CCDC60: variants seen among roughly 807,000 people sequenced by gnomAD.
CCDC60 encodes coiled-coil domain containing 60, also known as coiled-coil domain-containing protein 60.
CCDC60 carries 54 observed loss-of-function variants against 63.5 expected under a neutral mutation model. The ratio of observed to expected loss-of-function variants is 0.85; its 90% confidence interval spans 0.68 to 1.07. CCDC60 has a LOEUF of 1.07. Ranked by LOEUF, CCDC60 falls within the 50% of genes least tolerant of loss-of-function variation. The probability of loss-of-function intolerance (pLI) is 0.00; values close to 1 mark genes in which losing one functional copy is unlikely to be tolerated. For missense variants in CCDC60, 651 were observed against 684.3 expected (o/e 0.95, Z 0.54); for synonymous variants, 206 against 238.8 (o/e 0.86, Z 1.27).
chr12:119,466,241 A>G (rs1352348428), intron 2 of CCDC60, among the ~76,000 whole-genome samples: 3 of 152,134 alleles, frequency 2.0e-5, no homozygotes, highest in Non-Finnish European at 4.4e-5. Flanking sequence ...CCTCCATAGC[A>G]GTTGGCACTT....
At chr12:119,348,428 A>G (rs1349859372) in intron 1 of CCDC60, among the ~76,000 whole-genome samples, 1 of 152,192 alleles carries the variant, frequency 6.6e-6, no homozygotes, top group Non-Finnish European at 1.5e-5. Flanking sequence ...TTGCCTCAGT[A>G]AAAGCACATT....
At chr12:119,467,726 T>C (rs1038269970) in intron 2 of CCDC60, among the ~76,000 whole-genome samples, 3 of 152,256 alleles carry the variant, frequency 2.0e-5, no homozygotes, top group African/African-American at 7.2e-5. Flanking sequence ...GGCATGACAA[T>C]GAAAAGCAGT....
intron 9 of CCDC60, among the ~76,000 whole-genome samples, chr12:119,520,920 C>G (rs1012541503): frequency 1.3e-5 from 2 of 152,168 alleles, no homozygotes; most frequent in African/African-American, 4.8e-5. Flanking sequence ...CAAACACAAA[C>G]AAACACAGCC....
chr12:119,485,436 G>A (rs1343427452), intron 4 of CCDC60, among the ~76,000 whole-genome samples: 1 of 152,224 alleles, frequency 6.6e-6, no homozygotes, highest in Non-Finnish European at 1.5e-5. Flanking sequence ...TAAACTACTA[G>A]ACTGGGTGGC....
intron 7 of CCDC60, among the ~76,000 whole-genome samples, chr12:119,513,543 T>G (rs1160902931): frequency 6.6e-6 from 1 of 152,194 alleles, no homozygotes; most frequent in Non-Finnish European, 1.5e-5. Flanking sequence ...ATATCTCTCT[T>G]TCCTACTTAT....
intron 2 of CCDC60, among the ~76,000 whole-genome samples, chr12:119,450,396 C>T (rs561466781): frequency 6.6e-6 from 1 of 152,094 alleles, no homozygotes; most frequent in African/African-American, 2.4e-5. Context: ...ATACTTCTAC[C>T]CCCTAAATCC....
intron 9 of CCDC60, among the ~76,000 whole-genome samples, chr12:119,520,790 C>G (rs1200549228): frequency 6.6e-6 from 1 of 152,126 alleles, no homozygotes; most frequent in Non-Finnish European, 1.5e-5. Context: ...GATCCACCTC[C>G]CTTGGCCTTC....
intron 1 of CCDC60, among the ~76,000 whole-genome samples, chr12:119,401,172 T>A (rs1956385576): frequency 6.6e-6 from 1 of 152,206 alleles, no homozygotes; most frequent in Non-Finnish European, 1.5e-5. Flanking sequence ...GTCACAGAGC[T>A]GGTTACCCAG....
chr12:119,348,060 C>A (rs1955615957), intron 1 of CCDC60, among the ~76,000 whole-genome samples: 1 of 152,164 alleles, frequency 6.6e-6, no homozygotes. Context: ...AGAAAATGCC[C>A]AAAAGGCAAT....
intron 1 of CCDC60, among the ~76,000 whole-genome samples, chr12:119,387,050 A>T (rs952723736): frequency 9.5e-5 from 14 of 147,522 alleles, no homozygotes; most frequent in African/African-American, 3.0e-4. Flanking sequence ...ACACACACAC[A>T]CACACACACA....
At chr12:119,385,372 A>G (rs371567245) in intron 1 of CCDC60, among the ~76,000 whole-genome samples, 2 of 152,148 alleles carry the variant, frequency 1.3e-5, no homozygotes, top group South Asian at 2.1e-4. Context: ...TAATTCCCGT[A>G]TGTGGTGGGA....
At chr12:119,452,614 G>T (rs1950654655) in intron 2 of CCDC60, among the ~76,000 whole-genome samples, 1 of 152,202 alleles carries the variant, frequency 6.6e-6, no homozygotes, top group Non-Finnish European at 1.5e-5. Context: ...AGCTGCAAAA[G>T]CTTTCTCACA....
At chr12:119,391,160 G>A (rs935166345) in intron 1 of CCDC60, among the ~76,000 whole-genome samples, 3 of 152,314 alleles carry the variant, frequency 2.0e-5, no homozygotes, top group East Asian at 1.9e-4. Flanking sequence ...TTACCCACAC[G>A]TCTCTGTGGC....
intron 1 of CCDC60, among the ~76,000 whole-genome samples, chr12:119,368,082 A>G (rs1955860164): frequency 7.1e-6 from 1 of 140,684 alleles, no homozygotes; most frequent in Admixed American, 7.2e-5. Context: ...AAGAAGAAGG[A>G]GGAGGGGGAG....
At chr12:119,360,169 C>G (rs1195612239) in intron 1 of CCDC60, among the ~76,000 whole-genome samples, 12 of 147,720 alleles carry the variant, frequency 8.1e-5, no homozygotes, top group African/African-American at 2.3e-4. Flanking sequence ...GGGGCTGACC[C>G]CCCCCCACCT....
intron 13 of CCDC60, among the ~76,000 whole-genome samples, chr12:119,539,915 A>G (rs480130): frequency 0.66 from 100,430 of 152,092 alleles, 34,965 homozygotes; most frequent in East Asian, 0.92. Flanking sequence ...AGTCCCTCAC[A>G]GCTTCCCTTG....
At chr12:119,513,058 A>C (rs2136461182) in intron 7 of CCDC60, among the ~76,000 whole-genome samples, 1 of 152,272 alleles carries the variant, frequency 6.6e-6, no homozygotes, top group South Asian at 2.1e-4. Flanking sequence ...ACAACCTCAC[A>C]CTGTGATGTT....
intron 5 of CCDC60, among the ~76,000 whole-genome samples, chr12:119,491,023 T>A (rs11064813): frequency 6.6e-6 from 1 of 152,150 alleles, no homozygotes; most frequent in South Asian, 2.1e-4. Context: ...CTATGATATG[T>A]CCTTCCAAAT....
chr12:119,489,055 G>A (rs555849249), intron 5 of CCDC60, among the ~76,000 whole-genome samples, 189 bp downstream of exon 5: 1 of 152,302 alleles, frequency 6.6e-6, no homozygotes, highest in South Asian at 2.1e-4. Context: ...GTGGGAGCCG[G>A]TTGTGTGCAT....
Sources: gnomAD v4.1 joint callset for allele counts (sites outside exome capture counted in the v4.1 genomes callset) on GRCh38, gnomAD v4.1.1 for gene constraint, MANE v1.5 for transcripts, NCBI Gene and HGNC (gene_info 2026-07-23, HGNC 2026-07-21) for gene names.